The following MID1 variants were observed in gnomAD, a reference collection of about 807,000 sequenced individuals.
MID1 encodes the protein E3 ubiquitin-protein ligase Midline-1.
In MID1, 7 loss-of-function variants were observed where a neutral mutation model predicts 40.4. The ratio of observed to expected loss-of-function variants is 0.17; its 90% CI spans 0.10 to 0.33. The LOEUF (loss-of-function observed/expected upper bound fraction) is 0.33. Ranked by LOEUF, MID1 falls within the 10% of genes least tolerant of loss-of-function variation. The probability of loss-of-function intolerance (pLI) is 1.00; values close to 1 mark genes in which losing one functional copy is unlikely to be tolerated. For synonymous variants in MID1, 229 were observed against 221.2 expected (o/e 1.04, Z -0.31); for missense variants, 367 against 558.5 (o/e 0.66, Z 3.46).
chrX:10,784,330 T>C (rs2043866036), intron 1 of MID1, among the ~76,000 whole-genome samples: 1 of 111,851 alleles, frequency 8.9e-6, no homozygotes, highest in Non-Finnish European at 1.9e-5. Flanking sequence ...GCAGCATTCA[T>C]ATGAGATTTG....
chrX:10,622,412 T>C (rs185886679), upstream of MID1, among the ~76,000 whole-genome samples: 157 of 111,944 alleles, frequency 1.4e-3, no homozygotes, highest in Non-Finnish European at 2.7e-3. Context: ...GCCCTTTTAA[T>C]GTTCCTTCCA....
chrX:10,537,660 C>T (rs942637112), intron 2 of MID1, among the ~76,000 whole-genome samples: 2 of 112,614 alleles, frequency 1.8e-5, no homozygotes, highest in Admixed American at 1.9e-4. Flanking sequence ...GACTTTAGCA[C>T]TGTGCAATTT....
intron 4 of MID1, among the ~76,000 whole-genome samples, chrX:10,494,319 A>T (rs1931114054): frequency 8.9e-6 from 1 of 112,083 alleles, no homozygotes; most frequent in South Asian, 3.7e-4. Flanking sequence ...AACCACATAC[A>T]TTAGCCACGG....
intron 7 of MID1, among the ~76,000 whole-genome samples, chrX:10,465,214 TACACACACACACACACACACAC>T (rs775197915): frequency 1.0e-4 from 4 of 39,900 alleles, no homozygotes; most frequent in East Asian, 1.1e-3. Flanking sequence ...TATATATATA[TACACACACACACACACACACAC>T]ACACACACAC....
At chrX:10,588,942 T>G (rs1935203908) in intron 1 of MID1, among the ~76,000 whole-genome samples, 1 of 111,780 alleles carries the variant, frequency 8.9e-6, no homozygotes, top group Admixed American at 9.5e-5. Context: ...GGTGTCATAG[T>G]ACTCCATAGT....
intron 1 of MID1, among the ~76,000 whole-genome samples, chrX:10,731,487 C>G: frequency 9.0e-6 from 1 of 111,647 alleles, no homozygotes; most frequent in African/African-American, 3.3e-5. Flanking sequence ...AAACAAATCA[C>G]AAGGGAAATT....
chrX:10,495,257 A>G (rs915915468), intron 4 of MID1, among the ~76,000 whole-genome samples: 2 of 111,403 alleles, frequency 1.8e-5, no homozygotes, highest in Non-Finnish European at 3.8e-5. Context: ...TACAAAATAA[A>G]CTCTGCCTCC....
intron 2 of MID1, among the ~76,000 whole-genome samples, chrX:10,540,914 C>G (rs1297382130): frequency 8.9e-6 from 1 of 112,149 alleles, no homozygotes; most frequent in Non-Finnish European, 1.9e-5. Flanking sequence ...ACGGTTCCTA[C>G]AGAGTTTGAG....
chrX:10,594,759 C>T (rs1935379974), intron 1 of MID1, among the ~76,000 whole-genome samples: 1 of 112,045 alleles, frequency 8.9e-6, no homozygotes, highest in African/African-American at 3.2e-5. Context: ...ACTTAGGTAA[C>T]TGTTATACCC....
chrX:10,771,658 A>ATTT (rs765034374), intron 1 of MID1, among the ~76,000 whole-genome samples: 6 of 82,263 alleles, frequency 7.3e-5, no homozygotes, highest in Non-Finnish European at 1.4e-4. Flanking sequence ...TGCCTGGCTA[A>ATTT]TTTTTTTTTT....
intron 1 of MID1, among the ~76,000 whole-genome samples, chrX:10,830,986 G>T (rs775568228): frequency 8.9e-6 from 1 of 111,869 alleles, no homozygotes; most frequent in African/African-American, 3.2e-5. Flanking sequence ...GATTGTCAAA[G>T]GCAGTTTCCT....
Position 10,663,537 on chromosome X carries a change from T to A in MID1, c.-186-43118A>T, listed in dbSNP as rs137972156. Among the ~76,000 whole-genome samples, 487 of 111,702 alleles carry A rather than the reference T, an allele frequency of 4.4e-3. 1 individual carries two copies. Among genetic ancestry groups the A allele is most frequent in the Non-Finnish European group, 7.6e-3 (406 of 53,125 alleles). On this transcript the variant is annotated intron_variant, in intron 1 of 10. Coordinates refer to the MID1 transcript ENST00000380785. ...TGTTTTTTTGTTTGTTTTTTGTTTG[T>A]TTGTTTGTATTTAGACAGTTGTAGC... is the stretch of plus-strand genomic sequence containing the variant.
chrX:10,636,886 CTG>C (rs36101583), intron 1 of MID1, among the ~76,000 whole-genome samples: 224 of 89,532 alleles, frequency 2.5e-3, no homozygotes, highest in Admixed American at 3.4e-3. Flanking sequence ...TCTTAAAACG[CTG>C]TGTGTGTGTG....
chrX:10,572,320 T>C (rs926078356), intron 1 of MID1, among the ~76,000 whole-genome samples: 2 of 109,805 alleles, frequency 1.8e-5, no homozygotes, highest in African/African-American at 6.6e-5. Flanking sequence ...GAGGCCAAGG[T>C]GGGTGAATCG....
At chrX:10,534,562 G>A (rs1488932867) in intron 2 of MID1, among the ~76,000 whole-genome samples, 1 of 111,255 alleles carries the variant, frequency 9.0e-6, no homozygotes. Flanking sequence ...AATTTTTTAG[G>A]TTTTAGAGGA....
At chrX:10,576,554 G>A (rs1234563775) in intron 1 of MID1, among the ~76,000 whole-genome samples, 1 of 111,489 alleles carries the variant, frequency 9.0e-6, no homozygotes, top group African/African-American at 3.3e-5. Flanking sequence ...AAGCAGACAA[G>A]CACAAAGACA....
At chrX:10,716,188 C>G (rs946143395) in intron 1 of MID1, among the ~76,000 whole-genome samples, 2 of 112,194 alleles carry the variant, frequency 1.8e-5, no homozygotes, top group African/African-American at 3.2e-5. Flanking sequence ...AACAAAGCTG[C>G]ATGGAGAATG....
At chrX:10,820,224 G>A (rs1326803012) in intron 1 of MID1, among the ~76,000 whole-genome samples, 2 of 112,396 alleles carry the variant, frequency 1.8e-5, no homozygotes, top group Non-Finnish European at 3.8e-5. Context: ...GCCAGGGAGA[G>A]ATAAATAAGC....
At chrX:10,826,779 T>C (rs2044219260) in intron 1 of MID1, among the ~76,000 whole-genome samples, 1 of 112,632 alleles carries the variant, frequency 8.9e-6, no homozygotes, top group Non-Finnish European at 1.9e-5. Context: ...TCAATGTTTG[T>C]CTCCTACACT....
Sources: allele counts gnomAD v4.1 joint callset (sites outside exome capture counted in the v4.1 genomes callset), GRCh38; gene constraint gnomAD v4.1.1; transcripts MANE v1.5; gene names NCBI Gene and HGNC (gene_info 2026-07-23, HGNC 2026-07-21).